The following TCF7L1 variants were observed in gnomAD, a reference collection of about 807,000 sequenced individuals.
TCF7L1 encodes transcription factor 7 like 1.
In TCF7L1, 18 loss-of-function variants were observed where a neutral mutation model predicts 63.7. That is an observed-to-expected ratio of 0.28 (90% CI 0.20 to 0.42). The LOEUF (loss-of-function observed/expected upper bound fraction) is 0.42. Among genes scored for constraint, TCF7L1 ranks in the 10% least tolerant of loss-of-function variants. The probability of loss-of-function intolerance (pLI) is 1.00; values close to 1 mark genes in which losing one functional copy is unlikely to be tolerated. For missense variants in TCF7L1, 654 were observed against 779.3 expected (o/e 0.84, Z 1.91); for synonymous variants, 355 against 340.9 (o/e 1.04, Z -0.46).
intron 3 of TCF7L1, among the ~76,000 whole-genome samples, chr2:85,182,747 G>A (rs1327140407): frequency 1.3e-5 from 2 of 152,230 alleles, no homozygotes; most frequent in African/African-American, 4.8e-5. Flanking sequence ...ACGGTCCAAT[G>A]CAAGTCTGCA....
rs370624100 is a variant in TCF7L1, at chr2:85,307,006, C to A, written c.1257+447C>A. On this transcript the variant is annotated intron_variant, in intron 10 of 11. Coordinates refer to ENST00000282111, the MANE Select transcript of TCF7L1 (RefSeq NM_031283.3). ...AGGACTCTTAAGATCAGGGAGAAGC[C>A]CATACTTCTCTAGAAATAAGGAAGG... Among the ~76,000 whole-genome samples, 109 of 152,244 alleles carry A rather than the reference C, an allele frequency of 7.2e-4. 1 individual carries two copies. The highest frequency in any genetic ancestry group is 9.2e-4 in the Admixed American group (14 of 15,284).
rs113962559 is a variant in TCF7L1, at chr2:85,306,881, G to T, written c.1257+322G>T. ...GGGTTTCACTGTGTTAACCAGGATG[G>T]TCTCGAGCTCCTGACCTCGTGATCC... On this transcript the variant is annotated intron_variant, in intron 10 of 11. Coordinates refer to ENST00000282111, the MANE Select transcript of TCF7L1 (RefSeq NM_031283.3). This position sits in a 1 kb window ranked among gnomAD's most constrained non-coding sequence, Gnocchi z 4.3. Among the ~76,000 whole-genome samples the T allele has an allele frequency of 0.02, 3,094 of 152,230 alleles. 107 individuals are homozygous for T. The highest frequency in any genetic ancestry group is 0.07 in the African/African-American group (2,920 of 41,518).
Position 85,306,107 on chromosome 2 carries a change from C to A in TCF7L1, c.990-99C>A. On this transcript the variant is annotated intron_variant, in intron 8 of 11. Transcript: ENST00000282111. The surrounding 1 kb of genome is among the most constrained non-coding windows in gnomAD (Gnocchi z 4.3). Reference sequence around the variant, plus strand: ...TGAATTAGCATCCAGGCAGCCCGCGCCCCTCCCCAGAGACAATCAGCGGTG... The same window carrying A: ...TGAATTAGCATCCAGGCAGCCCGCGACCCTCCCCAGAGACAATCAGCGGTG... 2.7e-6 allele frequency: 4 copies of A among 1,484,582 alleles called. No homozygotes were observed. The highest frequency in any genetic ancestry group is 3.7e-6 in the Non-Finnish European group (4 of 1,083,556). The allele number at this position is 1,484,582 out of a possible 1,614,324, so 92.0% of individuals were successfully genotyped here. A position where few individuals can be genotyped will look rare whatever the true frequency, so the allele number is the denominator to read the frequency against.
intron 3 of TCF7L1, among the ~76,000 whole-genome samples, chr2:85,152,250 A>T (rs1678033806): frequency 6.6e-6 from 1 of 152,164 alleles, no homozygotes; most frequent in African/African-American, 2.4e-5. Context: ...TTAGTGGAGA[A>T]TGTTACTTAC....
chr2:85,306,497 G>T lies in TCF7L1; in HGVS notation c.1195G>T (p.Ala399Ser). 1 of 1,614,164 alleles carries T rather than the reference G, an allele frequency of 6.2e-7. No individual in the cohort carries two copies. The highest frequency in any genetic ancestry group is 8.5e-7 in the Non-Finnish European group (1 of 1,180,038). The change falls in exon 10 of 12, where the codon GCC becomes TCC. Residue 399 changes from alanine (A) to serine (S), a missense_variant. Physicochemically the swap from Ala to Ser is moderately conservative, Grantham distance 99. Transcript: ENST00000282111. This position sits in a 1 kb window ranked among gnomAD's most constrained non-coding sequence, Gnocchi z 4.3. ...REEQAKYYEL[A>S]RKERQLHSQL... ...AGAACAGGCCAAGTACTACGAGCTG[G>T]CCCGGAAGGAGCGGCAGCTTCACTC... is the stretch of plus-strand genomic sequence containing the variant.
intron 3 of TCF7L1, among the ~76,000 whole-genome samples, chr2:85,154,946 A>G (rs1678111170): frequency 1.3e-5 from 2 of 152,110 alleles, no homozygotes; most frequent in Non-Finnish European, 2.9e-5. Context: ...CCTTCTGAGT[A>G]GCTGGGACTA....
Position 85,309,456 on chromosome 2 carries a change from C to T in TCF7L1, c.1761C>T (p.Ala587=), listed in dbSNP as rs1288616809. 1 of 1,521,070 alleles carries T rather than the reference C, an allele frequency of 6.6e-7. No individual in the cohort carries two copies. Among genetic ancestry groups the T allele is most frequent in the South Asian group, 1.3e-5 (1 of 76,188 alleles). The allele number at this position is 1,521,070 out of a possible 1,614,324, so 94.2% of individuals were successfully genotyped here. A position where few individuals can be genotyped will look rare whatever the true frequency, so the allele number is the denominator to read the frequency against. ...CTCTTTCCCTGGTCACCAAGTCTGC[C>T]CACTAAGCTCCCCCCGACCCCTGCA... ...AQPLSLVTKS[A]H Residue 587 remains alanine, a synonymous_variant, in exon 12 of 12, where the codon GCC becomes GCT. Transcript: ENST00000282111.
chr2:85,172,774 T>G (rs1018840574), intron 3 of TCF7L1, among the ~76,000 whole-genome samples: 3 of 151,960 alleles, frequency 2.0e-5, no homozygotes, highest in Non-Finnish European at 4.4e-5. Flanking sequence ...GCTCCCCACT[T>G]CTTCCCTCCT....
intron 4 of TCF7L1, among the ~76,000 whole-genome samples, chr2:85,285,683 C>T (rs1045460150): frequency 1.3e-5 from 2 of 152,182 alleles, no homozygotes; most frequent in East Asian, 1.9e-4. Context: ...GGAGGATGTG[C>T]GGACCACATC....
At chr2:85,304,412 T>C in intron 7 of TCF7L1, 74 bp downstream of exon 7, 3 of 1,496,232 alleles carry the variant, frequency 2.0e-6, no homozygotes, top group Non-Finnish European at 2.7e-6. Context: ...AAACAGCTTT[T>C]TCTTGCCAGT....
rs146367827 is a variant in TCF7L1 at position 85,161,221 on chromosome 2, A to G, written c.441+26771A>G. 1.9e-3 allele frequency among the ~76,000 whole-genome samples: 286 copies of G among 152,332 alleles called. 1 individual carries two copies. The highest frequency in any genetic ancestry group is 6.6e-3 in the African/African-American group (273 of 41,576). On this transcript the variant is annotated intron_variant, in intron 3 of 11. Transcript: ENST00000282111. Reference sequence around the variant, plus strand: ...CTCCAGGATAACTTGCAGTTGCCCAATTTCCTGGTGAATTTTCAGGTTCTC... The same window carrying G: ...CTCCAGGATAACTTGCAGTTGCCCAGTTTCCTGGTGAATTTTCAGGTTCTC...
At position 85,275,312 on chromosome 2, in the gene TCF7L1, C is replaced by T. The variant is rs139428392; in HGVS notation, c.442-8183C>T. On this transcript the variant is annotated intron_variant, in intron 3 of 11. Transcript: ENST00000282111. ...CTCTAAAACGAAAGCTTGGCTTCTG[C>T]GGGGGAGCCAGTTTTTAAAAACAAA... 6.0e-3 allele frequency among the ~76,000 whole-genome samples: 917 copies of T among 152,172 alleles called. 10 individuals carry two copies. Among genetic ancestry groups the T allele is most frequent in the African/African-American group, 0.02 (825 of 41,478 alleles).
At chr2:85,229,056 A>G (rs1445767775) in intron 3 of TCF7L1, among the ~76,000 whole-genome samples, 1 of 129,276 alleles carries the variant, frequency 7.7e-6, no homozygotes, top group African/African-American at 2.9e-5. Context: ...AAAAGAAATT[A>G]GAACCTTGGG....
At chr2:85,216,039 C>T (rs1679696071) in intron 3 of TCF7L1, among the ~76,000 whole-genome samples, 1 of 152,096 alleles carries the variant, frequency 6.6e-6, no homozygotes, top group South Asian at 2.1e-4. Context: ...TCCCTTTCTC[C>T]TCTTGTGGTG....
chr2:85,178,450 C>A (rs1332084706), intron 3 of TCF7L1, among the ~76,000 whole-genome samples: 1 of 152,170 alleles, frequency 6.6e-6, no homozygotes, highest in Non-Finnish European at 1.5e-5. Context: ...TTACTGAACT[C>A]CTCCTGTGCA....
At chr2:85,304,204 C>T in intron 6 of TCF7L1, 51 bp from the exon 7 acceptor site, 1 of 1,564,370 alleles carries the variant, frequency 6.4e-7, no homozygotes, top group Non-Finnish European at 8.8e-7. Context: ...GCCTCTCTTC[C>T]TCTGCCCTGA....
At chr2:85,256,721 G>A (rs1266384972) in intron 3 of TCF7L1, among the ~76,000 whole-genome samples, 4 of 152,186 alleles carry the variant, frequency 2.6e-5, no homozygotes, top group Admixed American at 2.0e-4. Context: ...GCCAGGTTTG[G>A]TGGCTCATGC....
chr2:85,204,239 G>T, intron 3 of TCF7L1, among the ~76,000 whole-genome samples: 1 of 109,162 alleles, frequency 9.2e-6, no homozygotes, highest in East Asian at 2.5e-4. Flanking sequence ...GTATTATTTT[G>T]TGGATTTTTT....
At chr2:85,137,906 A>AAAAG (rs1228993185) in intron 3 of TCF7L1, among the ~76,000 whole-genome samples, 8 of 151,670 alleles carry the variant, frequency 5.3e-5, no homozygotes, top group Admixed American at 1.3e-4. Flanking sequence ...AAAAAAAAAA[A>AAAAG]AAAGAAAGAA....
Sources: gnomAD v4.1 joint callset for allele counts (sites outside exome capture counted in the v4.1 genomes callset) on GRCh38, gnomAD v4.1.1 for gene constraint, Gnocchi (gnomAD v3.1) non-coding constraint, MANE v1.5 for transcripts, NCBI Gene and HGNC (gene_info 2026-07-23, HGNC 2026-07-21) for gene names.